Variants in CHLSN observed in about 807,000 individuals in gnomAD.
The protein encoded by CHLSN is cholesin.
the CHLSN span, among the ~76,000 whole-genome samples, chr7:1,019,612 G>C: frequency 1.3e-5 from 2 of 152,260 alleles, no homozygotes. Context: ...CCTGTGGGCA[G>C]AGGGGAGGCT....
chr7:1,051,248 T>C, the CHLSN span, among the ~76,000 whole-genome samples: 2 of 152,318 alleles, frequency 1.3e-5, no homozygotes, highest in East Asian at 3.9e-4. Context: ...ACCCCGGTCC[T>C]CTCAGGATTC....
At chr7:1,093,851 T>G in the CHLSN span, 23 of 300,014 alleles carry the variant, frequency 7.7e-5, no homozygotes, top group South Asian at 2.7e-4. Flanking sequence ...CCAAGTGGGG[T>G]GGGACGTGGG....
the CHLSN span, among the ~76,000 whole-genome samples, chr7:1,136,442 AAAT>A: frequency 2.2e-4 from 27 of 123,536 alleles, no homozygotes; most frequent in African/African-American, 9.1e-4. Flanking sequence ...ACATATATAT[AAAT>A]ATATATAAAC....
chr7:1,136,507 T>A, the CHLSN span, among the ~76,000 whole-genome samples: 7 of 107,748 alleles, frequency 6.5e-5, 1 homozygote, highest in Non-Finnish European at 1.2e-4. Context: ...TAAATATATA[T>A]AAACATATAT....
At chr7:1,088,036 C>T in the CHLSN span, 2 of 152,396 alleles carry the variant, frequency 1.3e-5, no homozygotes, top group Non-Finnish European at 2.9e-5. This position sits in a 1 kb window ranked among gnomAD's most constrained non-coding sequence, Gnocchi z 4.5. Flanking sequence ...GGAGGCCGCC[C>T]AGAGCCTGGC....
the CHLSN span, among the ~76,000 whole-genome samples, chr7:1,041,697 C>T: frequency 1.3e-5 from 2 of 152,158 alleles, no homozygotes; most frequent in African/African-American, 2.4e-5. Flanking sequence ...ATTCCTTGTC[C>T]GTGATCAGCA....
At chr7:1,045,297 G>A in the CHLSN span, 5 of 152,374 alleles carry the variant, frequency 3.3e-5, no homozygotes, top group East Asian at 5.8e-4. Flanking sequence ...TGCATGCTAC[G>A]TGGTGGACCA....
chr7:1,032,898 C>G, the CHLSN span, among the ~76,000 whole-genome samples: 265 of 152,376 alleles, frequency 1.7e-3, no homozygotes, highest in South Asian at 9.3e-3. Flanking sequence ...TCTGCCTGAC[C>G]AATCCTGCAC....
the CHLSN span, among the ~76,000 whole-genome samples, chr7:1,101,888 G>A: frequency 6.6e-6 from 1 of 152,272 alleles, no homozygotes; most frequent in African/African-American, 2.4e-5. Context: ...TCGCTCCTGA[G>A]TCTTGGCTCG....
At chr7:1,062,975 C>T in the CHLSN span, among the ~76,000 whole-genome samples, 2 of 152,162 alleles carry the variant, frequency 1.3e-5, no homozygotes, top group African/African-American at 4.8e-5. Flanking sequence ...CCCTCAACAC[C>T]CTCATCTGAA....
the CHLSN span, among the ~76,000 whole-genome samples, chr7:1,106,897 A>G: frequency 6.6e-6 from 1 of 152,182 alleles, no homozygotes; most frequent in Non-Finnish European, 1.5e-5. Flanking sequence ...CGTGGTGCAG[A>G]GCCAGGCCGG....
chr7:1,042,164 G>A, the CHLSN span, among the ~76,000 whole-genome samples: 14 of 152,050 alleles, frequency 9.2e-5, no homozygotes, highest in East Asian at 1.4e-3. Flanking sequence ...CAACACACAC[G>A]GCACACAACC....
At chr7:984,584 T>C in the CHLSN span, 5 of 1,558,140 alleles carry the variant, frequency 3.2e-6, no homozygotes, top group Admixed American at 3.7e-5. Context: ...GGTCGGTGTG[T>C]GGCCGGCGCT....
At chr7:1,135,950 T>C in the CHLSN span, among the ~76,000 whole-genome samples, 5 of 86,448 alleles carry the variant, frequency 5.8e-5, no homozygotes, top group Non-Finnish European at 8.3e-5. Flanking sequence ...TATATATAAA[T>C]ATATATAAAT....
chr7:1,101,420 G>A, the CHLSN span, among the ~76,000 whole-genome samples: 2 of 151,470 alleles, frequency 1.3e-5, no homozygotes, highest in Admixed American at 1.3e-4. Context: ...GGCGCGTGCG[G>A]CGTCGGACCA....
At chr7:1,053,129 G>C in the CHLSN span, among the ~76,000 whole-genome samples, 1 of 152,200 alleles carries the variant, frequency 6.6e-6, no homozygotes, top group Admixed American at 6.5e-5. Context: ...TCCCCAGACA[G>C]CCCGGCAGCC....
chr7:999,941 A>G, the CHLSN span, among the ~76,000 whole-genome samples: 2 of 152,350 alleles, frequency 1.3e-5, no homozygotes, highest in South Asian at 4.1e-4. Context: ...CTGCCCCTGA[A>G]AAGGGCAGCT....
chr7:1,094,172 G>A, the CHLSN span, among the ~76,000 whole-genome samples: 1 of 152,260 alleles, frequency 6.6e-6, no homozygotes, highest in Non-Finnish European at 1.5e-5. Context: ...CGCTCCTGGA[G>A]CAGCCGGCCG....
chr7:997,479 C>G, the CHLSN span: 1 of 661,568 alleles, frequency 1.5e-6, no homozygotes, highest in Non-Finnish European at 2.4e-6. Context: ...GCTGGTGATC[C>G]CGGCCCCCAC....
Sources: allele counts gnomAD v4.1 joint callset (sites outside exome capture counted in the v4.1 genomes callset), GRCh38; gene constraint gnomAD v4.1.1; non-coding constraint Gnocchi (gnomAD v3.1); transcripts MANE v1.5; gene names NCBI Gene and HGNC (gene_info 2026-07-23, HGNC 2026-07-21).